Variants in PNPT1 observed in about 807,000 individuals in gnomAD.
PNPT1 encodes the protein polyribonucleotide nucleotidyltransferase 1, mitochondrial.
Under a neutral mutation model 119.5 loss-of-function variants are expected in PNPT1, and 53 were observed. That is an observed-to-expected ratio of 0.44 (90% CI 0.36 to 0.56). The LOEUF is 0.56. PNPT1 is among the 20% of genes least tolerant of loss of function. The pLI is 0.00. For synonymous variants in PNPT1, 357 were observed against 322.1 expected, an observed-to-expected ratio of 1.11 and a Z score of -1.16; for missense variants, 948 against 938.5, an observed-to-expected ratio of 1.01 and a Z score of -0.13.
intron 18 of PNPT1, among the ~76,000 whole-genome samples, chr2:55,650,912 C>T (rs554288799): frequency 0.032 from 4,467 of 140,886 alleles, 62 homozygotes; most frequent in South Asian, 0.088. Flanking sequence ...GTCAGCCCCC[C>T]GCCCGGCCAG....
intron 27 of PNPT1, among the ~76,000 whole-genome samples, chr2:55,637,024 G>A (rs561347692): frequency 2.0e-5 from 3 of 152,160 alleles, no homozygotes; most frequent in African/African-American, 4.8e-5. Flanking sequence ...CAGGTCATGC[G>A]TATTAGCGTA....
At chr2:55,687,595 A>C in intron 2 of PNPT1, 50 bp downstream of exon 2, 1 of 1,351,130 alleles carries the variant, frequency 7.4e-7, no homozygotes, top group Non-Finnish European at 1.0e-6. Context: ...ATTTAGTATG[A>C]GTCTCCGTAA....
chr2:55,643,307 A>T lies in PNPT1; in HGVS notation c.2013+12T>A, dbSNP rs745564474. On this transcript the variant is annotated intron_variant, in intron 24 of 27. Transcript: ENST00000447944. Reference sequence around the variant, plus strand: ...AGCTATATGATACGTAATTAATATGATCTATACTTACATCATCCTTGCAGA... The same window carrying T: ...AGCTATATGATACGTAATTAATATGTTCTATACTTACATCATCCTTGCAGA... 1.1e-5 allele frequency: 18 copies of T among 1,612,586 alleles called. No homozygotes were observed. In the Middle Eastern group the frequency reaches 6.6e-4, roughly 59 times the overall value.
chr2:55,636,005 A>T lies in PNPT1; in HGVS notation c.*232T>A. 3.8e-6 allele frequency: 1 copy of T among 261,626 alleles called. No individual in the cohort carries two copies. The highest frequency in any genetic ancestry group is 7.0e-6 in the Non-Finnish European group (1 of 142,500). 16.2% of individuals were successfully genotyped at this position (261,626 alleles called of 1,614,324 possible). On this transcript the variant is annotated 3_prime_UTR_variant, in exon 28 of 28. Transcript: ENST00000447944. ...TAATTTTTTCTAAGATGTATAAATG[A>T]CTTACTTTTAATAATAAATATTTCT...
intron 4 of PNPT1, among the ~76,000 whole-genome samples, chr2:55,684,636 T>G (rs1452946318): frequency 1.3e-5 from 2 of 152,246 alleles, no homozygotes; most frequent in Non-Finnish European, 2.9e-5. Context: ...TTCAACAAAG[T>G]AGAGGCATGG....
chr2:55,639,954 T>G (rs976589653), intron 26 of PNPT1, among the ~76,000 whole-genome samples: 1 of 152,200 alleles, frequency 6.6e-6, no homozygotes, highest in African/African-American at 2.4e-5. Context: ...GATCCTGTTT[T>G]AAGATAACCA....
At chr2:55,642,399 G>A (rs970224845) in intron 25 of PNPT1, among the ~76,000 whole-genome samples, 3 of 151,670 alleles carry the variant, frequency 2.0e-5, no homozygotes, top group Non-Finnish European at 4.4e-5. Context: ...AAGGTCAGGA[G>A]ATCGAGACCA....
intron 2 of PNPT1, among the ~76,000 whole-genome samples, chr2:55,686,693 C>G (rs1004686755): frequency 6.6e-6 from 1 of 152,172 alleles, no homozygotes; most frequent in Non-Finnish European, 1.5e-5. Context: ...ATAGTATTCT[C>G]TACTTCTTAT....
Position 55,647,396 on chromosome 2 carries a change from T to C in PNPT1, c.1553A>G (p.Asp518Gly), listed in dbSNP as rs756961965. Residue 518 changes from aspartate (D) to glycine (G), a missense_variant, in exon 19 of 28, where the codon GAT (aspartate) becomes GGT (glycine). Asp to Gly is a moderately conservative substitution (Grantham distance 94). Coordinates refer to ENST00000447944, the MANE Select transcript of PNPT1 (RefSeq NM_033109.5). ...GVAIGLVTKT[D>G]PEKGEIEDYR... ...ATCTTCTATTTCACCCTTCTCAGGATCGGTTTTGGTGACCAATCCTATTGC... is the reference window on the plus strand; with the variant it reads ...ATCTTCTATTTCACCCTTCTCAGGACCGGTTTTGGTGACCAATCCTATTGC... 9.9e-6 allele frequency: 16 copies of C among 1,609,912 alleles called. No homozygotes were observed. The highest frequency in any genetic ancestry group is 1.3e-5 in the African/African-American group (1 of 74,902).
At position 55,636,402 on chromosome 2, in the gene PNPT1, A is replaced by G. The variant is rs2104010502; in HGVS notation, c.2197-10T>C. 6.2e-7 allele frequency: 1 copy of G among 1,613,128 alleles called. No individual in the cohort carries two copies. Among genetic ancestry groups the G allele is most frequent in the Non-Finnish European group, 8.5e-7 (1 of 1,179,410 alleles). On this transcript the variant is annotated splice_polypyrimidine_tract_variant and intron_variant, in intron 27 of 27. Transcript: ENST00000447944. ...GTCCAAAGTATTTCACCTGTGTTAAAGAAACAGATCTTCCTTTAAAGTTAC... is the reference window on the plus strand; with the variant it reads ...GTCCAAAGTATTTCACCTGTGTTAAGGAAACAGATCTTCCTTTAAAGTTAC...
Position 55,691,453 on chromosome 2 carries a change from TGAAA to T in PNPT1, c.161+2206_161+2209del, listed in dbSNP as rs548465813. Among the ~76,000 whole-genome samples the T allele has an allele frequency of 5.9e-5, 9 of 152,136 alleles. No homozygotes were observed. In the South Asian group the frequency reaches 1.0e-3, roughly 18 times the overall value. The stretch of plus-strand genomic sequence containing the variant: ...TTGCCAATGGCAAACAAGACAAAAA[TGAAA>T]GAATTTATCCAGCAGGTATGATATT... On this transcript the variant is annotated intron_variant, in intron 1 of 27. Coordinates refer to ENST00000447944, the MANE Select transcript of PNPT1 (RefSeq NM_033109.5).
chr2:55,636,008 T>G lies in PNPT1; in HGVS notation c.*229A>C. ...TTTTTTCTAAGATGTATAAATGACT[T>G]ACTTTTAATAATAAATATTTCTTGA... On this transcript the variant is annotated 3_prime_UTR_variant, in exon 28 of 28. Coordinates refer to ENST00000447944, the MANE Select transcript of PNPT1 (RefSeq NM_033109.5). 3.7e-6 allele frequency: 1 copy of G among 267,092 alleles called. No individual in the cohort carries two copies. Among genetic ancestry groups the G allele is most frequent in the South Asian group, 1.5e-4 (1 of 6,678 alleles). 16.5% of individuals were successfully genotyped at this position (267,092 alleles called of 1,614,324 possible). A position where few individuals can be genotyped will look rare whatever the true frequency, so the allele number is the denominator to read the frequency against.
intron 18 of PNPT1, among the ~76,000 whole-genome samples, chr2:55,651,138 C>T (rs1388344100): frequency 1.1e-4 from 17 of 149,270 alleles, no homozygotes; most frequent in African/African-American, 3.7e-4. Context: ...TCTGCCCGGC[C>T]GCCCCTACTG....
chr2:55,680,993 C>G (rs75289039), intron 5 of PNPT1, 75 bp from the exon 6 acceptor site: 19,041 of 1,188,068 alleles, frequency 0.016, 186 homozygotes, highest in Non-Finnish European at 0.02. Flanking sequence ...TACAAGAGCA[C>G]TATATGGCTA....
At chr2:55,687,796 A>C in intron 1 of PNPT1, 91 bp from the exon 2 acceptor site, 4 of 989,338 alleles carry the variant, frequency 4.0e-6, no homozygotes, top group Non-Finnish European at 5.7e-6. Context: ...CTAAGGGAAG[A>C]TTCTAACCCC....
At chr2:55,646,932 G>A (rs938691072) in intron 19 of PNPT1, among the ~76,000 whole-genome samples, 2 of 152,042 alleles carry the variant, frequency 1.3e-5, no homozygotes, top group Admixed American at 6.6e-5. Flanking sequence ...TCTGCCTCCC[G>A]GGTTCAAGCA....
At chr2:55,668,574 C>G (rs900812964) in intron 11 of PNPT1, among the ~76,000 whole-genome samples, 10 of 150,994 alleles carry the variant, frequency 6.6e-5, no homozygotes, top group Non-Finnish European at 1.0e-4. Context: ...CCAGAAGAAT[C>G]CAGTCAGCCT....
chr2:55,671,241 C>T lies in PNPT1; in HGVS notation c.976+78G>A, dbSNP rs190736152. On this transcript the variant is annotated intron_variant, in intron 11 of 27. Coordinates refer to ENST00000447944, the MANE Select transcript of PNPT1 (RefSeq NM_033109.5). ...TGCCTTTCCTCTTTGACCTTTAATC[C>T]CAAGAAGCAAGAGTCAGGCCATGCC... The T allele has an allele frequency of 3.2e-4, 225 of 701,408 alleles. 1 individual carries two copies. The East Asian group carries it at 7.0e-3, about 22-fold the overall frequency. The allele number at this position is 701,408 out of a possible 1,614,324, so 43.4% of individuals were successfully genotyped here.
At chr2:55,682,053 T>G (rs782616) in intron 5 of PNPT1, among the ~76,000 whole-genome samples, 150,487 of 152,230 alleles carry the variant, frequency 0.99, 74,390 homozygotes, top group East Asian at 1. Flanking sequence ...TGAGGCAGGA[T>G]AATGGTGTGA....
Sources: allele counts gnomAD v4.1 joint callset (sites outside exome capture counted in the v4.1 genomes callset), GRCh38; gene constraint gnomAD v4.1.1; transcripts MANE v1.5; gene names NCBI Gene and HGNC (gene_info 2026-07-23, HGNC 2026-07-21).